The following CNTNAP2 variants were observed in gnomAD, a reference collection of about 807,000 sequenced individuals.
CNTNAP2 encodes the protein contactin-associated protein-like 2.
Under a neutral mutation model 155.2 loss-of-function variants are expected in CNTNAP2, and 98 were observed. The observed-to-expected ratio is 0.63, with a 90% CI of 0.54 to 0.75. CNTNAP2 has a LOEUF of 0.75. CNTNAP2 is among the 30% of genes least tolerant of loss of function. CNTNAP2 has a pLI of 0.00. For missense variants in CNTNAP2, 1,727 were observed against 1,688.1 expected, an observed-to-expected ratio of 1.02 and a Z score of -0.40; for synonymous variants, 651 against 631.2, an observed-to-expected ratio of 1.03 and a Z score of -0.47.
intron 12 of CNTNAP2, among the ~76,000 whole-genome samples, chr7:147,606,831 A>G (rs1801075697): frequency 6.6e-6 from 1 of 152,158 alleles, no homozygotes; most frequent in African/African-American, 2.4e-5. Context: ...TGAAGCTGAG[A>G]CCTAAGGGAC....
intron 15 of CNTNAP2, among the ~76,000 whole-genome samples, chr7:147,980,437 T>C (rs1801501590): frequency 6.6e-6 from 1 of 152,210 alleles, no homozygotes; most frequent in Non-Finnish European, 1.5e-5. Context: ...AGAAACTCTT[T>C]TAAATAATAT....
chr7:146,365,269 G>T (rs1187908761), intron 1 of CNTNAP2, among the ~76,000 whole-genome samples: 1 of 152,106 alleles, frequency 6.6e-6, no homozygotes, highest in Non-Finnish European at 1.5e-5. Flanking sequence ...CTCAGATCCT[G>T]CAGACTTTGC....
At chr7:148,091,111 T>C (rs1322612974) in intron 15 of CNTNAP2, among the ~76,000 whole-genome samples, 1 of 151,970 alleles carries the variant, frequency 6.6e-6, no homozygotes, top group Non-Finnish European at 1.5e-5. Flanking sequence ...GACACAACAT[T>C]TCAATTAGAC....
At chr7:146,897,165 A>C (rs144254321) in intron 3 of CNTNAP2, among the ~76,000 whole-genome samples, 25 of 152,258 alleles carry the variant, frequency 1.6e-4, no homozygotes, top group African/African-American at 6.0e-4. Context: ...CATAATCTAG[A>C]AATTGGAAAA....
intron 18 of CNTNAP2, among the ~76,000 whole-genome samples, chr7:148,187,220 G>T (rs1229493184): frequency 6.6e-6 from 1 of 152,020 alleles, no homozygotes; most frequent in Non-Finnish European, 1.5e-5. Flanking sequence ...AATTCTTTGT[G>T]TTTCTTAGGG....
chr7:147,699,324 A>G (rs1409179766), intron 13 of CNTNAP2, among the ~76,000 whole-genome samples: 1 of 151,986 alleles, frequency 6.6e-6, no homozygotes, highest in Non-Finnish European at 1.5e-5. Flanking sequence ...GCTGGAAACC[A>G]TCATTCTCAG....
chr7:146,875,904 A>ACG (rs1166086927), intron 3 of CNTNAP2, among the ~76,000 whole-genome samples: 1 of 124,944 alleles, frequency 8.0e-6, no homozygotes, highest in Non-Finnish European at 1.6e-5. Context: ...ACATACACAC[A>ACG]CGCACACACA....
intron 1 of CNTNAP2, among the ~76,000 whole-genome samples, chr7:146,422,891 A>G (rs949015536): frequency 1.3e-5 from 2 of 152,190 alleles, no homozygotes; most frequent in African/African-American, 4.8e-5. Flanking sequence ...TATTGGAGAT[A>G]TATGTAGTGC....
At position 147,128,794 on chromosome 7, in the gene CNTNAP2, T is replaced by C; in HGVS notation, c.1041T>C (p.Ile347=). The change falls in exon 7 of 24, where the codon ATT becomes ATC. Residue 347 remains isoleucine, a synonymous_variant. Transcript: ENST00000361727. ...GCATCAACTACAATGGCGTCAACAT[T>C]ACTGATCTTGCCAGAAGGAAGAAAT... ...MESINYNGVN[I]TDLARRKKLE... is the part of the protein sequence containing the mutation. The C allele has an allele frequency of 6.2e-7, 1 of 1,614,086 alleles. No individual in the cohort carries two copies. The highest frequency in any genetic ancestry group is 1.1e-5 in the South Asian group (1 of 91,082).
intron 1 of CNTNAP2, among the ~76,000 whole-genome samples, chr7:146,352,760 T>TTTTTTTC (rs1563051347): frequency 7.8e-6 from 1 of 127,570 alleles, no homozygotes; most frequent in South Asian, 2.5e-4. Flanking sequence ...GTTTTTTTTT[T>TTTTTTTC]TTTTTTTTTT....
intron 21 of CNTNAP2, among the ~76,000 whole-genome samples, chr7:148,347,434 C>A (rs991635204): frequency 2.8e-4 from 43 of 152,202 alleles, no homozygotes; most frequent in Non-Finnish European, 5.6e-4. Context: ...AAGAATGAAA[C>A]CCCAGAACAG....
chr7:147,754,845 G>A (rs2116509270), intron 13 of CNTNAP2, among the ~76,000 whole-genome samples: 1 of 152,302 alleles, frequency 6.6e-6, no homozygotes, highest in East Asian at 1.9e-4. Flanking sequence ...TAATGTTTAT[G>A]AGGCTTAGTG....
chr7:146,596,394 A>G (rs1798858663), intron 1 of CNTNAP2, among the ~76,000 whole-genome samples: 1 of 151,980 alleles, frequency 6.6e-6, no homozygotes, highest in Non-Finnish European at 1.5e-5. Flanking sequence ...GGAAACAGTA[A>G]TAGGAGAAGA....
intron 2 of CNTNAP2, among the ~76,000 whole-genome samples, chr7:146,795,149 T>C (rs562049280): frequency 6.6e-6 from 1 of 152,306 alleles, no homozygotes; most frequent in South Asian, 2.1e-4. Context: ...GCAACATAAA[T>C]CTCATGATAA....
At chr7:148,142,117 G>GTGTGTGTGTT (rs1554476726) in intron 16 of CNTNAP2, among the ~76,000 whole-genome samples, 10 of 151,746 alleles carry the variant, frequency 6.6e-5, no homozygotes, top group Admixed American at 5.3e-4. Context: ...GTGTGTGTGT[G>GTGTGTGTGTT]TGTGTGTGTG....
chr7:146,253,202 A>G lies in CNTNAP2; in HGVS notation c.97+136229A>G, dbSNP rs114607496. The stretch of plus-strand genomic sequence containing the variant: ...ACAGAAGTGCTGCCATTTCCTCACT[A>G]TACTCTACTATTTCACGCCTCTGTG... On this transcript the variant is annotated intron_variant, in intron 1 of 23. Transcript: ENST00000361727. 7.3e-3 allele frequency among the ~76,000 whole-genome samples: 1,117 copies of G among 152,156 alleles called. 12 individuals carry two copies. Among genetic ancestry groups the G allele is most frequent in the African/African-American group, 0.026 (1,063 of 41,468 alleles).
intron 17 of CNTNAP2, among the ~76,000 whole-genome samples, chr7:148,166,081 C>T (rs1713595022): frequency 6.6e-6 from 1 of 151,806 alleles, no homozygotes; most frequent in Admixed American, 6.6e-5. Context: ...AACCACCCTA[C>T]TTGAAATTGC....
intron 16 of CNTNAP2, among the ~76,000 whole-genome samples, chr7:148,131,255 C>T (rs765247574): frequency 1.4e-4 from 22 of 151,926 alleles, no homozygotes; most frequent in Non-Finnish European, 2.4e-4. Context: ...CACGCCACCA[C>T]GCCTCGCTAA....
At chr7:148,366,984 A>C (rs1286816309) in intron 21 of CNTNAP2, among the ~76,000 whole-genome samples, 1 of 152,110 alleles carries the variant, frequency 6.6e-6, no homozygotes, top group Non-Finnish European at 1.5e-5. Flanking sequence ...TGTAGTCCCA[A>C]CACTTTGGGA....
Sources: allele counts gnomAD v4.1 joint callset (sites outside exome capture counted in the v4.1 genomes callset), GRCh38; gene constraint gnomAD v4.1.1; transcripts MANE v1.5; gene names NCBI Gene and HGNC (gene_info 2026-07-23, HGNC 2026-07-21).